Variants in DCC observed in about 807,000 individuals in gnomAD.
The protein encoded by DCC is netrin receptor DCC.
In DCC, 58 loss-of-function variants were observed where a neutral mutation model predicts 172.5. That is an observed-to-expected ratio of 0.34 (90% CI 0.27 to 0.42). The LOEUF is 0.42. Among genes scored for constraint, DCC ranks in the 10% least tolerant of loss-of-function variants. The pLI is 1.00. For missense variants in DCC, 1,740 were observed against 1,791.0 expected, an observed-to-expected ratio of 0.97 and a Z score of 0.51; for synonymous variants, 709 against 644.5, an observed-to-expected ratio of 1.10 and a Z score of -1.52.
At chr18:52,345,957 T>G (rs1308290691) in intron 1 of DCC, among the ~76,000 whole-genome samples, 2 of 152,178 alleles carry the variant, frequency 1.3e-5, no homozygotes, top group Non-Finnish European at 2.9e-5. Flanking sequence ...GTTAAGCTAC[T>G]TTTTTCCCCA....
intron 1 of DCC, among the ~76,000 whole-genome samples, chr18:52,644,795 AGAAG>A (rs1326920485): frequency 1.2e-4 from 6 of 50,948 alleles, no homozygotes; most frequent in African/African-American, 6.2e-4. Flanking sequence ...AAAGAAGGAA[AGAAG>A]GAAGGAAGGA....
chr18:53,433,283 A>C (rs891009018), intron 21 of DCC, among the ~76,000 whole-genome samples: 1 of 152,148 alleles, frequency 6.6e-6, no homozygotes, highest in Admixed American at 6.5e-5. Flanking sequence ...CCATAGAGCT[A>C]TATGTGTATG....
At chr18:52,517,233 A>G (rs1050258965) in intron 1 of DCC, among the ~76,000 whole-genome samples, 16 of 152,226 alleles carry the variant, frequency 1.1e-4, no homozygotes, top group African/African-American at 3.9e-4. Context: ...AATTATTATT[A>G]TAAAAAGAAG....
intron 7 of DCC, among the ~76,000 whole-genome samples, chr18:53,093,823 A>G (rs1440356551): frequency 6.6e-6 from 1 of 152,152 alleles, no homozygotes; most frequent in East Asian, 1.9e-4. Context: ...TAGGCATGAC[A>G]GATTTGTATT....
At chr18:53,506,366 C>T (rs1165306411) in intron 27 of DCC, among the ~76,000 whole-genome samples, 2 of 152,148 alleles carry the variant, frequency 1.3e-5, no homozygotes, top group African/African-American at 4.8e-5. Context: ...GATGAAATAA[C>T]TTACAAATTC....
intron 9 of DCC, among the ~76,000 whole-genome samples, chr18:53,183,722 A>G (rs937335472): frequency 6.6e-6 from 1 of 152,094 alleles, no homozygotes; most frequent in African/African-American, 2.4e-5. Context: ...TTTAGAATAT[A>G]TTATCTAGAG....
intron 2 of DCC, among the ~76,000 whole-genome samples, chr18:52,860,087 A>AG (rs749021375): frequency 3.6e-4 from 55 of 152,370 alleles, no homozygotes; most frequent in Non-Finnish European, 7.5e-4. Flanking sequence ...CAGCAAATCC[A>AG]TCTCTAATAA....
rs543643784 is a variant in DCC, at chr18:52,674,012, A to G, written c.92-78042A>G. 4.6e-5 allele frequency among the ~76,000 whole-genome samples: 7 copies of G among 152,202 alleles called. No homozygotes were observed. The East Asian group carries it at 1.4e-3, about 29-fold the overall frequency. Reference sequence around the variant, plus strand: ...AAGAGGCTAGACTGGGCTTTTTCACATGGCTACCCCAGCTGTCCCCAGTGT... The same window carrying G: ...AAGAGGCTAGACTGGGCTTTTTCACGTGGCTACCCCAGCTGTCCCCAGTGT... On this transcript the variant is annotated intron_variant, in intron 1 of 28. Coordinates refer to ENST00000442544, the MANE Select transcript of DCC (RefSeq NM_005215.4).
chr18:53,281,928 T>A (rs992501930), intron 12 of DCC, among the ~76,000 whole-genome samples: 1 of 152,074 alleles, frequency 6.6e-6, no homozygotes, highest in African/African-American at 2.4e-5. Flanking sequence ...TAGGATAAAG[T>A]GAGAGATCTT....
intron 8 of DCC, among the ~76,000 whole-genome samples, chr18:53,169,669 G>C (rs1306536669): frequency 6.6e-6 from 1 of 152,130 alleles, no homozygotes; most frequent in Non-Finnish European, 1.5e-5. Context: ...ATTCACAGGA[G>C]AGAACATCAC....
At chr18:52,639,777 C>T (rs75080518) in intron 1 of DCC, among the ~76,000 whole-genome samples, 17,074 of 151,990 alleles carry the variant, frequency 0.11, 1,009 homozygotes, top group South Asian at 0.18. Flanking sequence ...CAGAATCCTA[C>T]GAGACGTTCA....
At position 52,662,931 on chromosome 18, in the gene DCC, A is replaced by G. The variant is rs535349713; in HGVS notation, c.92-89123A>G. 3.0e-4 allele frequency among the ~76,000 whole-genome samples: 46 copies of G among 152,246 alleles called. No homozygotes were observed. The South Asian group carries it at 6.4e-3, about 21-fold the overall frequency. On this transcript the variant is annotated intron_variant, in intron 1 of 28. Coordinates refer to ENST00000442544, the MANE Select transcript of DCC (RefSeq NM_005215.4). ...TATAAGAGCACTGGTCCCATTCATG[A>G]GGGCTCCACAATGATGACCCAATCG...
At chr18:53,436,665 A>G (rs1439785674) in intron 22 of DCC, among the ~76,000 whole-genome samples, 1 of 152,130 alleles carries the variant, frequency 6.6e-6, no homozygotes, top group Non-Finnish European at 1.5e-5. Flanking sequence ...TTATTTTTGA[A>G]TTGCCTGGCA....
At chr18:53,334,795 C>T (rs904899142) in intron 14 of DCC, among the ~76,000 whole-genome samples, 1 of 152,164 alleles carries the variant, frequency 6.6e-6, no homozygotes, top group Non-Finnish European at 1.5e-5. Context: ...AATACTATTC[C>T]ATTATGTGTA....
intron 1 of DCC, among the ~76,000 whole-genome samples, chr18:52,682,355 G>A (rs572315081): frequency 3.6e-4 from 55 of 152,152 alleles, no homozygotes; most frequent in South Asian, 1.9e-3. Flanking sequence ...GATAAAACAT[G>A]CACTCTAGTG....
chr18:52,718,346 A>G (rs1470320470), intron 1 of DCC, among the ~76,000 whole-genome samples: 1 of 152,242 alleles, frequency 6.6e-6, no homozygotes, highest in African/African-American at 2.4e-5. Context: ...AAATTATGTC[A>G]GTGAATAGTA....
intron 1 of DCC, among the ~76,000 whole-genome samples, chr18:52,450,114 A>G (rs1438556567): frequency 1.3e-5 from 2 of 152,214 alleles, no homozygotes; most frequent in African/African-American, 4.8e-5. Flanking sequence ...TCAAACCGAG[A>G]CTTAAATGTA....
At chr18:52,755,030 TA>T (rs1319320049) in intron 2 of DCC, among the ~76,000 whole-genome samples, 2 of 152,210 alleles carry the variant, frequency 1.3e-5, no homozygotes, top group African/African-American at 4.8e-5. Flanking sequence ...AACTGAATGT[TA>T]ATGTTAATTA....
chr18:53,387,427 G>A (rs1453314146), intron 16 of DCC, among the ~76,000 whole-genome samples: 2 of 152,008 alleles, frequency 1.3e-5, no homozygotes, highest in Non-Finnish European at 2.9e-5. Flanking sequence ...CAAAATTTTG[G>A]GCAGATGTCA....
Sources: allele counts gnomAD v4.1 joint callset (sites outside exome capture counted in the v4.1 genomes callset), GRCh38; gene constraint gnomAD v4.1.1; transcripts MANE v1.5; gene names NCBI Gene and HGNC (gene_info 2026-07-23, HGNC 2026-07-21).